SPACA7: variants seen among roughly 807,000 people sequenced by gnomAD.
SPACA7 encodes the protein sperm acrosome associated 7.
SPACA7 carries 19 observed loss-of-function variants against 26.3 expected under a neutral mutation model. The ratio of observed to expected loss-of-function variants is 0.72; its 90% CI spans 0.50 to 1.06. SPACA7 has a LOEUF of 1.06. Ranked by LOEUF, SPACA7 falls within the 50% of genes least tolerant of loss-of-function variation. The pLI, the probability that SPACA7 is intolerant of heterozygous loss-of-function variation, is 0.00. For missense variants in SPACA7, 211 were observed against 229.9 expected, an observed-to-expected ratio of 0.92 and a Z score of 0.53; for synonymous variants, 84 against 84.5, an observed-to-expected ratio of 0.99 and a Z score of 0.04.
intron 6 of SPACA7, 63 bp downstream of exon 6, chr13:112,432,584 A>G: frequency 7.7e-7 from 1 of 1,291,990 alleles, no homozygotes; most frequent in Non-Finnish European, 1.1e-6. Context: ...CTCAAGGGAC[A>G]GGTGTGTCTC....
intron 1 of SPACA7, among the ~76,000 whole-genome samples, chr13:112,383,122 AAAGAAAGAAAGAAAG>A (rs1566453036): frequency 6.5e-4 from 2 of 3,078 alleles, no homozygotes; most frequent in Admixed American, 3.5e-3. Context: ...AAAGAAAAGA[AAAGAAAGAAAGAAAG>A]AAAGAAAGAA....
intron 5 of SPACA7, among the ~76,000 whole-genome samples, chr13:112,429,652 T>G (rs561313893): frequency 9.9e-5 from 15 of 152,272 alleles, no homozygotes; most frequent in Admixed American, 8.5e-4. Context: ...TTTTAATACT[T>G]TTGCTTTCTA....
chr13:112,427,158 G>T (rs1333427591), intron 5 of SPACA7, among the ~76,000 whole-genome samples: 1 of 152,192 alleles, frequency 6.6e-6, no homozygotes. Context: ...TTTGTACAAA[G>T]TCAGACAGTA....
chr13:112,387,927 T>C (rs574889625), intron 1 of SPACA7, among the ~76,000 whole-genome samples: 7 of 152,150 alleles, frequency 4.6e-5, no homozygotes, highest in Non-Finnish European at 8.8e-5. Flanking sequence ...ATTTTCCCAT[T>C]GGTCCCTGTT....
chr13:112,376,754 G>A (rs1187905768), intron 1 of SPACA7, among the ~76,000 whole-genome samples: 1 of 151,864 alleles, frequency 6.6e-6, no homozygotes, highest in African/African-American at 2.4e-5. Context: ...TTCACCCTCA[G>A]GTTCAATTAT....
At chr13:112,410,977 G>C (rs1365475557) in intron 5 of SPACA7, among the ~76,000 whole-genome samples, 1 of 152,020 alleles carries the variant, frequency 6.6e-6, no homozygotes, top group Non-Finnish European at 1.5e-5. Flanking sequence ...CATCACTTAA[G>C]TATACAGCAT....
intron 1 of SPACA7, chr13:112,382,386 C>A (rs1486033419): frequency 3.3e-6 from 5 of 1,532,632 alleles, no homozygotes; most frequent in Non-Finnish European, 4.4e-6. Flanking sequence ...GCATGAGCCA[C>A]CGTGCCTGGC....
intron 5 of SPACA7, among the ~76,000 whole-genome samples, chr13:112,408,409 G>A (rs1464486490): frequency 6.6e-6 from 1 of 152,086 alleles, no homozygotes; most frequent in Non-Finnish European, 1.5e-5. Context: ...TATTTGATTA[G>A]GAAAAGAGGA....
intron 5 of SPACA7, among the ~76,000 whole-genome samples, chr13:112,411,062 A>G (rs184346966): frequency 2.0e-5 from 3 of 152,232 alleles, no homozygotes; most frequent in East Asian, 3.9e-4. Context: ...TACATTATCA[A>G]TGTGACTGGT....
chr13:112,382,880 T>C (rs1884171858), intron 1 of SPACA7, among the ~76,000 whole-genome samples: 1 of 151,662 alleles, frequency 6.6e-6, no homozygotes, highest in Non-Finnish European at 1.5e-5. Flanking sequence ...TCCCAGCTAC[T>C]AGGGAGGCTG....
intron 5 of SPACA7, among the ~76,000 whole-genome samples, chr13:112,429,825 A>G (rs572035604): frequency 1.3e-5 from 2 of 152,300 alleles, no homozygotes; most frequent in South Asian, 2.1e-4. Flanking sequence ...TTTTAAAACT[A>G]TTATTGAGCC....
chr13:112,417,335 T>C (rs1248957438), intron 5 of SPACA7, among the ~76,000 whole-genome samples: 1 of 152,174 alleles, frequency 6.6e-6, no homozygotes, highest in African/African-American at 2.4e-5. Flanking sequence ...TTTTTACTTA[T>C]TTCTTTATCT....
intron 5 of SPACA7, among the ~76,000 whole-genome samples, chr13:112,411,151 A>T (rs1886324397): frequency 6.6e-6 from 1 of 150,986 alleles, no homozygotes. Context: ...TAGGAAGTAA[A>T]TATTCCTGTT....
chr13:112,431,960 C>T (rs1231299368), intron 5 of SPACA7, among the ~76,000 whole-genome samples: 2 of 152,120 alleles, frequency 1.3e-5, no homozygotes, highest in Non-Finnish European at 2.9e-5. Flanking sequence ...CAGCGGGGAC[C>T]ACACAGCATA....
intron 5 of SPACA7, among the ~76,000 whole-genome samples, chr13:112,414,114 C>T (rs186401978): frequency 1.6e-4 from 24 of 152,174 alleles, no homozygotes; most frequent in African/African-American, 4.6e-4. Flanking sequence ...GAGGGATCCA[C>T]CCTCATGACC....
chr13:112,380,080 C>T (rs1225208868), intron 1 of SPACA7, among the ~76,000 whole-genome samples: 1 of 152,130 alleles, frequency 6.6e-6, no homozygotes, highest in African/African-American at 2.4e-5. Context: ...AGTAAGACTA[C>T]TCAACAGGTA....
intron 6 of SPACA7, among the ~76,000 whole-genome samples, 187 bp from the exon 7 acceptor site, chr13:112,434,298 G>A (rs1877514232): frequency 6.6e-6 from 1 of 152,178 alleles, no homozygotes; most frequent in Non-Finnish European, 1.5e-5. Context: ...GAGAGCCAAA[G>A]GCAGCCTGAC....
At chr13:112,387,654 C>T (rs1193501192) in intron 1 of SPACA7, among the ~76,000 whole-genome samples, 1 of 152,170 alleles carries the variant, frequency 6.6e-6, no homozygotes, top group Non-Finnish European at 1.5e-5. Context: ...GGCTCCCTTT[C>T]TATGCAGATT....
intron 5 of SPACA7, among the ~76,000 whole-genome samples, chr13:112,424,786 A>G (rs6577081): frequency 0.96 from 146,447 of 152,168 alleles, 70,612 homozygotes; most frequent in East Asian, 1. Context: ...GGCCGGTGGC[A>G]TGGTCTCCTG....
Sources: gnomAD v4.1 joint callset for allele counts (sites outside exome capture counted in the v4.1 genomes callset) on GRCh38, gnomAD v4.1.1 for gene constraint, MANE v1.5 for transcripts, NCBI Gene and HGNC (gene_info 2026-07-23, HGNC 2026-07-21) for gene names.